The following ATP2A3 variants were observed in gnomAD, a reference collection of about 807,000 sequenced individuals.
ATP2A3 encodes the protein sarcoplasmic/endoplasmic reticulum calcium ATPase 3.
Under a neutral mutation model 106.8 loss-of-function variants are expected in ATP2A3, and 61 were observed. The ratio of observed to expected loss-of-function variants is 0.57; its 90% CI spans 0.46 to 0.71. The LOEUF is 0.71. ATP2A3 is among the 30% of genes least tolerant of loss of function. The probability of loss-of-function intolerance (pLI) is 0.00; values close to 1 mark genes in which losing one functional copy is unlikely to be tolerated. For synonymous variants in ATP2A3, 611 were observed against 609.3 expected (o/e 1.00, Z -0.04); for missense variants, 1,201 against 1,423.5 (o/e 0.84, Z 2.52).
At chr17:3,927,033 CT>C in intron 20 of ATP2A3, 1 of 985,484 alleles carries the variant, frequency 1.0e-6, no homozygotes, top group Non-Finnish European at 1.2e-6. Flanking sequence ...GCCCTGCATG[CT>C]GAGTGTCAAC....
Position 3,941,117 on chromosome 17 carries a change from C to T in ATP2A3, c.1954G>A (p.Ala652Thr), listed in dbSNP as rs1426376517. Residue 652 changes from alanine to threonine, a missense_variant, in exon 14 of 21, where the codon GCC (alanine) becomes ACC (threonine). Transcript: ENST00000397041. ...FGDTEDVAGKAYTGREFDDLS... is the reference protein window; with the variant it reads ...FGDTEDVAGKTYTGREFDDLS... ...TCATCAAACTCGCGGCCCGTGTAGGCCTTGCCCGCCACGTCTTCCGTGTCC... is the reference window on the plus strand; with the variant it reads ...TCATCAAACTCGCGGCCCGTGTAGGTCTTGCCCGCCACGTCTTCCGTGTCC... 6.2e-7 allele frequency: 1 copy of T among 1,614,054 alleles called. No homozygotes were observed. Among genetic ancestry groups the T allele is most frequent in the Admixed American group, 1.7e-5 (1 of 60,030 alleles).
In ATP2A3 at chr17:3,925,313, C is replaced by G. The variant is rs541709312; in HGVS notation, c.*109G>C. Reference sequence around the variant, plus strand: ...CGGGCCTGTCATTTATCCGGCGGGACCCGGTGGGCAAGTGGGCGAGTGTGG... The same window carrying G: ...CGGGCCTGTCATTTATCCGGCGGGAGCCGGTGGGCAAGTGGGCGAGTGTGG... On this transcript the variant is annotated 3_prime_UTR_variant, in exon 21 of 21. Coordinates refer to ENST00000397041, the MANE Select transcript of ATP2A3 (RefSeq NM_005173.4). This position sits in a 1 kb window ranked among gnomAD's most constrained non-coding sequence, Gnocchi z 4.2. 155 of 1,589,718 alleles carry G rather than the reference C, an allele frequency of 9.8e-5. No individual in the cohort carries two copies. The highest frequency in any genetic ancestry group is 1.3e-4 in the Non-Finnish European group (148 of 1,162,788).
At chr17:3,954,091 C>A (rs1226333745) in intron 1 of ATP2A3, among the ~76,000 whole-genome samples, 1 of 152,094 alleles carries the variant, frequency 6.6e-6, no homozygotes, top group African/African-American at 2.4e-5. Flanking sequence ...GCTGTTCTCA[C>A]GGCTCCCTGC....
At chr17:3,961,832 G>A (rs1249782937) in intron 1 of ATP2A3, among the ~76,000 whole-genome samples, 4 of 152,166 alleles carry the variant, frequency 2.6e-5, no homozygotes, top group Non-Finnish European at 5.9e-5. Flanking sequence ...TGGCAGCCTC[G>A]CTTATGGTGA....
In ATP2A3 at chr17:3,936,195, T is replaced by C. The variant is rs547899447; in HGVS notation, c.2524+72A>G. On this transcript the variant is annotated intron_variant, in intron 16 of 20. Coordinates refer to ENST00000397041, the MANE Select transcript of ATP2A3 (RefSeq NM_005173.4). The surrounding 1 kb of genome is among the most constrained non-coding windows in gnomAD (Gnocchi z 5.4). ...ACAAGCCAGGCTGAGTCACACTGTC[T>C]GCAGCTTGCAAGCCTGATACAAGGC... is the stretch of plus-strand genomic sequence containing the variant. The C allele has an allele frequency of 1.9e-6, 3 of 1,572,166 alleles. No individual in the cohort carries two copies. The highest frequency in any genetic ancestry group is 1.7e-5 in the Admixed American group (1 of 59,928).
rs577664214 is a variant in ATP2A3, at chr17:3,924,773, G to A, written c.*649C>T. ...GCCCTCCTGCCGGCTCCTTGTGTCC[G>A]TCTCTCTGACCCTTCACCCGCCCGG... On this transcript the variant is annotated 3_prime_UTR_variant, in exon 21 of 21. Transcript: ENST00000397041. The surrounding 1 kb of genome is among the most constrained non-coding windows in gnomAD (Gnocchi z 6.4). The A allele has an allele frequency of 3.6e-4, 166 of 456,612 alleles. No individual in the cohort carries two copies. Among genetic ancestry groups the A allele is most frequent in the South Asian group, 2.1e-3 (133 of 64,564 alleles). 28.3% of individuals were successfully genotyped at this position (456,612 alleles called of 1,614,324 possible). A position where few individuals can be genotyped will look rare whatever the true frequency, so the allele number is the denominator to read the frequency against.
chr17:3,941,235 T>G lies in ATP2A3; in HGVS notation c.1836A>C (p.Thr612=), dbSNP rs1186369434. The change falls in exon 14 of 21, where the codon ACA becomes ACC. Residue 612 remains threonine (T), a synonymous_variant. Transcript: ENST00000397041. ...PPRPEVAACI[T]RCYQAGIRVV... ...CGCGGATGCCCGCCTGGTAGCAGCG[T>G]GTGATGCAGGCAGCCACCTCAGGTC... The G allele has an allele frequency of 6.2e-7, 1 of 1,614,058 alleles. No homozygotes were observed. The highest frequency in any genetic ancestry group is 2.2e-5 in the East Asian group (1 of 44,876).
intron 1 of ATP2A3, among the ~76,000 whole-genome samples, chr17:3,954,240 A>T (rs890021257): frequency 3.3e-5 from 5 of 151,850 alleles, no homozygotes; most frequent in Non-Finnish European, 7.4e-5. Flanking sequence ...CTCCCCTGGG[A>T]CCAGCTGGAC....
chr17:3,924,658 G>A lies in ATP2A3; in HGVS notation c.*764C>T, dbSNP rs555673812. The A allele has an allele frequency of 2.4e-5, 10 of 424,922 alleles. No individual in the cohort carries two copies. The highest frequency in any genetic ancestry group is 1.5e-4 in the East Asian group (2 of 13,770). 26.3% of individuals were successfully genotyped at this position (424,922 alleles called of 1,614,324 possible). A position where few individuals can be genotyped will look rare whatever the true frequency, so the allele number is the denominator to read the frequency against. On this transcript the variant is annotated 3_prime_UTR_variant, in exon 21 of 21. Coordinates refer to ENST00000397041, the MANE Select transcript of ATP2A3 (RefSeq NM_005173.4). The surrounding 1 kb of genome is among the most constrained non-coding windows in gnomAD (Gnocchi z 6.4). Reference sequence around the variant, plus strand: ...TCTGAACATCTCCCGAGCTCAGGACGGGGAACCCTGAGTCCAGGAGGCGCG... The same window carrying A: ...TCTGAACATCTCCCGAGCTCAGGACAGGGAACCCTGAGTCCAGGAGGCGCG...
intron 12 of ATP2A3, among the ~76,000 whole-genome samples, chr17:3,941,945 T>C (rs1350058941): frequency 6.6e-6 from 1 of 152,170 alleles, no homozygotes; most frequent in Non-Finnish European, 1.5e-5. Flanking sequence ...CTGCAGCGTT[T>C]TGCAGGCAGG....
intron 20 of ATP2A3, chr17:3,927,889 T>C: frequency 2.5e-6 from 4 of 1,587,408 alleles, no homozygotes; most frequent in African/African-American, 1.3e-5. Context: ...AGTGCAGGCC[T>C]CAGCCACTGC....
Position 3,941,505 on chromosome 17 carries a change from G to A in ATP2A3, c.1695C>T (p.Ala565=). The A allele has an allele frequency of 6.2e-7, 1 of 1,613,784 alleles. No individual in the cohort carries two copies. The highest frequency in any genetic ancestry group is 1.7e-5 in the Admixed American group (1 of 60,020). Residue 565 remains alanine (A), a synonymous_variant, in exon 13 of 21, where the codon GCC becomes GCT. Coordinates refer to ENST00000397041, the MANE Select transcript of ATP2A3 (RefSeq NM_005173.4). The stretch of plus-strand genomic sequence containing the variant: ...CCTTCCTTGGGGGCGCGTCCCGGGT[G>A]GCCAGTGCCAGGCAGCGCAGCGTGT... The part of the protein sequence containing the change: ...GSDTLRCLAL[A]TRDAPPRKED...
intron 11 of ATP2A3, 76 bp downstream of exon 11, chr17:3,943,315 G>A: frequency 5.1e-6 from 8 of 1,567,206 alleles, no homozygotes; most frequent in Non-Finnish European, 7.0e-6. Context: ...AAACTTCAGT[G>A]TCCTGTCTGC....
intron 16 of ATP2A3, among the ~76,000 whole-genome samples, chr17:3,935,535 CTTTTTTT>C (rs10668980): frequency 3.5e-5 from 4 of 114,038 alleles, no homozygotes; most frequent in African/African-American, 1.4e-4. Context: ...CCTGTTGAGA[CTTTTTTT>C]TTTTTTTTTT....
chr17:3,942,286 AG>A (rs2053825071), intron 12 of ATP2A3, among the ~76,000 whole-genome samples: 1 of 152,234 alleles, frequency 6.6e-6, no homozygotes, highest in Non-Finnish European at 1.5e-5. Context: ...TCATTTCAAA[AG>A]GGGTTTAAAC....
At chr17:3,948,137 G>T (rs1173708015) in intron 7 of ATP2A3, among the ~76,000 whole-genome samples, 1 of 152,152 alleles carries the variant, frequency 6.6e-6, no homozygotes, top group Admixed American at 6.5e-5. Context: ...TGATATTGAT[G>T]ATATAATCAA....
intron 17 of ATP2A3, among the ~76,000 whole-genome samples, chr17:3,932,680 T>A (rs373758756): frequency 6.6e-6 from 1 of 152,304 alleles, no homozygotes; most frequent in African/African-American, 2.4e-5. Flanking sequence ...GCTCAAGTGA[T>A]CTGCCCGCCT....
At chr17:3,964,062 C>T in intron 1 of ATP2A3, 112 bp downstream of exon 1, 1 of 523,822 alleles carries the variant, frequency 1.9e-6, no homozygotes, top group Non-Finnish European at 2.6e-6. Context: ...AAGAGGTTTC[C>T]GGAGCCCTCG....
In ATP2A3 at chr17:3,924,697, G is replaced by A; in HGVS notation, c.*725C>T. 5 of 455,158 alleles carry A rather than the reference G, an allele frequency of 1.1e-5. No homozygotes were observed. Among genetic ancestry groups the A allele is most frequent in the South Asian group, 7.8e-5 (5 of 64,416 alleles). The allele number at this position is 455,158 out of a possible 1,614,324, so 28.2% of individuals were successfully genotyped here. On this transcript the variant is annotated 3_prime_UTR_variant, in exon 21 of 21. Transcript: ENST00000397041. The surrounding 1 kb of genome is among the most constrained non-coding windows in gnomAD (Gnocchi z 6.4). ...CCAGGAGGCGCGCGGGGCTGAGGCA[G>A]TCCAGCCAGGCTTTCCCGACTTGTC...
Sources: allele counts gnomAD v4.1 joint callset (sites outside exome capture counted in the v4.1 genomes callset), GRCh38; gene constraint gnomAD v4.1.1; non-coding constraint Gnocchi (gnomAD v3.1); transcripts MANE v1.5; gene names NCBI Gene and HGNC (gene_info 2026-07-23, HGNC 2026-07-21).